The following ABCG2 variants were observed in gnomAD, a reference collection of about 807,000 sequenced individuals.
ABCG2 encodes broad substrate specificity ATP-binding cassette transporter ABCG2.
In ABCG2, 80 loss-of-function variants were observed where a neutral mutation model predicts 73.5. The observed-to-expected ratio is 1.09, with a 90% CI of 0.91 to 1.31. The LOEUF (loss-of-function observed/expected upper bound fraction) is 1.31. Among genes scored for constraint, ABCG2 ranks in the 50% most tolerant of loss-of-function variants. The probability of loss-of-function intolerance (pLI) is 0.00; values close to 1 mark genes in which losing one functional copy is unlikely to be tolerated. For synonymous variants in ABCG2, 269 were observed against 282.4 expected (o/e 0.95, Z 0.48); for missense variants, 796 against 786.2 (o/e 1.01, Z -0.15).
intron 1 of ABCG2, among the ~76,000 whole-genome samples, chr4:88,152,518 G>T (rs563198383): frequency 6.6e-6 from 1 of 152,072 alleles, no homozygotes; most frequent in Non-Finnish European, 1.5e-5. Flanking sequence ...GGGGTGGGGC[G>T]TCACAGGGTG....
In ABCG2 at chr4:88,094,653, G is replaced by A; in HGVS notation, c.1744C>T (p.Gln582Ter). 6.2e-7 allele frequency: 1 copy of A among 1,613,216 alleles called. No individual in the cohort carries two copies. The change falls in exon 15 of 16, where the codon CAG becomes TAG. Residue 582 changes from glutamine to a stop codon, truncating the protein, a stop_gained. Transcript: ENST00000237612. LOFTEE classifies it high-confidence loss of function. ...TTTTGTCCCAAAAATTCATTATGCT[G>A]CAAAGCCTATAACACAAGTGGGAGC... The part of the protein sequence containing the change: ...SIPRYGFTAL[Q>*]HNEFLGQNFC...
chr4:88,101,385 A>G, intron 10 of ABCG2, 66 bp from the exon 11 acceptor site: 4 of 1,385,146 alleles, frequency 2.9e-6, no homozygotes, highest in Non-Finnish European at 1.0e-6. Context: ...TTTTCTACCC[A>G]CAAAACTCTT....
intron 1 of ABCG2, among the ~76,000 whole-genome samples, chr4:88,155,358 G>A (rs1376501965): frequency 1.3e-5 from 2 of 152,182 alleles, no homozygotes; most frequent in Non-Finnish European, 2.9e-5. Context: ...AACAGATGAG[G>A]AAGAAATTTG....
chr4:88,218,685 G>A (rs893145865), intron 1 of ABCG2, among the ~76,000 whole-genome samples: 2 of 152,112 alleles, frequency 1.3e-5, no homozygotes, highest in Non-Finnish European at 2.9e-5. Context: ...GAGAACGTAC[G>A]CACATGCAAT....
intron 1 of ABCG2, among the ~76,000 whole-genome samples, chr4:88,157,072 A>C (rs542352871): frequency 6.6e-6 from 1 of 152,376 alleles, no homozygotes; most frequent in African/African-American, 2.4e-5. Flanking sequence ...ACTGCACTCC[A>C]GTCTGGGCAA....
At chr4:88,230,587 C>G (rs1260727777) in intron 1 of ABCG2, among the ~76,000 whole-genome samples, 3 of 151,864 alleles carry the variant, frequency 2.0e-5, no homozygotes, top group African/African-American at 7.3e-5. Context: ...TAACAGAAAC[C>G]CCAAAGCACA....
chr4:88,095,452 G>A (rs1183664829), intron 14 of ABCG2, 68 bp downstream of exon 14: 1 of 1,389,046 alleles, frequency 7.2e-7, no homozygotes, highest in Non-Finnish European at 1.0e-6. Context: ...GAAATGAGAT[G>A]AGGACACTTG....
At chr4:88,138,343 A>C (rs1725391878) in intron 2 of ABCG2, among the ~76,000 whole-genome samples, 1 of 152,168 alleles carries the variant, frequency 6.6e-6, no homozygotes, top group Admixed American at 6.5e-5. Flanking sequence ...GCATAAGAGA[A>C]AGATTTGTCC....
chr4:88,095,867 G>A (rs535259614), intron 13 of ABCG2, among the ~76,000 whole-genome samples: 12 of 152,142 alleles, frequency 7.9e-5, no homozygotes, highest in East Asian at 1.9e-4. Flanking sequence ...CCATTTAATC[G>A]TAAGATCCTC....
intron 2 of ABCG2, 45 bp downstream of exon 2, chr4:88,139,748 G>T: frequency 6.4e-7 from 1 of 1,553,168 alleles, no homozygotes; most frequent in Non-Finnish European, 8.8e-7. Context: ...GAGGTTCACT[G>T]TAGGTAAATT....
chr4:88,201,983 T>C (rs974855380), intron 1 of ABCG2, among the ~76,000 whole-genome samples: 10 of 152,116 alleles, frequency 6.6e-5, no homozygotes, highest in South Asian at 4.2e-4. Flanking sequence ...TCTGATTTAA[T>C]TGGTATGAGT....
At chr4:88,148,687 C>T (rs1278690855) in intron 1 of ABCG2, among the ~76,000 whole-genome samples, 2 of 152,194 alleles carry the variant, frequency 1.3e-5, no homozygotes. Context: ...GCCAACTGTA[C>T]ACACGGTTCT....
At chr4:88,182,946 A>T (rs1728314430) in intron 1 of ABCG2, among the ~76,000 whole-genome samples, 1 of 151,914 alleles carries the variant, frequency 6.6e-6, no homozygotes. Context: ...TTAGCTGGGC[A>T]TGGCGGCGGG....
At chr4:88,228,631 G>A (rs906197227) in intron 1 of ABCG2, among the ~76,000 whole-genome samples, 1 of 152,218 alleles carries the variant, frequency 6.6e-6, no homozygotes, top group African/African-American at 2.4e-5. Flanking sequence ...TGTCTGTCTG[G>A]CAGTGGTTCT....
intron 1 of ABCG2, among the ~76,000 whole-genome samples, chr4:88,218,108 C>T (rs1307339773): frequency 6.6e-6 from 1 of 152,098 alleles, no homozygotes; most frequent in African/African-American, 2.4e-5. Flanking sequence ...ACCTGAAATA[C>T]TTTCCTCCCA....
rs534243764 is a variant in ABCG2, at chr4:88,220,946, A to G, written c.-20+10048T>C. On this transcript the variant is annotated intron_variant, in intron 1 of 15. Transcript: ENST00000515655. ...GCTTCTCCAGCCCTGTAGAACTGTG[A>G]GTCCATTAAACCTCTTCCGTTTATA... 2.6e-5 allele frequency among the ~76,000 whole-genome samples: 4 copies of G among 152,296 alleles called. No homozygotes were observed. The South Asian group carries it at 8.3e-4, about 32-fold the overall frequency.
chr4:88,196,031 A>G (rs570134753), intron 1 of ABCG2, among the ~76,000 whole-genome samples: 3 of 152,222 alleles, frequency 2.0e-5, no homozygotes, highest in Admixed American at 6.5e-5. Context: ...TTGGGAGACG[A>G]CCTTTCCCTG....
At chr4:88,107,098 G>T in intron 10 of ABCG2, 86 bp downstream of exon 10, 2 of 1,005,022 alleles carry the variant, frequency 2.0e-6, no homozygotes, top group Non-Finnish European at 3.0e-6. Flanking sequence ...CACTATACTT[G>T]TCTTAAATTC....
chr4:88,131,310 ATAAC>A (rs1340487039), intron 4 of ABCG2, 97 bp from the exon 5 acceptor site: 2 of 1,298,186 alleles, frequency 1.5e-6, no homozygotes, highest in African/African-American at 3.0e-5. Flanking sequence ...CAAAGATAAC[ATAAC>A]TAAGGTAAAG....
Sources: gnomAD v4.1 joint callset for allele counts (sites outside exome capture counted in the v4.1 genomes callset) on GRCh38, gnomAD v4.1.1 for gene constraint, MANE v1.5 for transcripts, NCBI Gene and HGNC (gene_info 2026-07-23, HGNC 2026-07-21) for gene names.